Variants in STXBP3 observed in about 807,000 individuals in gnomAD.
STXBP3 encodes syntaxin-binding protein 3.
STXBP3 carries 41 observed loss-of-function variants against 85.7 expected under a neutral mutation model. The ratio of observed to expected loss-of-function variants is 0.48; its 90% CI spans 0.37 to 0.62. The LOEUF is 0.62. Among genes scored for constraint, STXBP3 ranks in the 20% least tolerant of loss-of-function variants. The probability of loss-of-function intolerance (pLI) is 0.00; values close to 1 mark genes in which losing one functional copy is unlikely to be tolerated. For missense variants in STXBP3, 563 were observed against 703.1 expected, an observed-to-expected ratio of 0.80 and a Z score of 2.25; for synonymous variants, 229 against 231.7, an observed-to-expected ratio of 0.99 and a Z score of 0.10.
chr1:108,750,860 C>G (rs1277671553), intron 1 of STXBP3, among the ~76,000 whole-genome samples: 1 of 152,190 alleles, frequency 6.6e-6, no homozygotes, highest in Non-Finnish European at 1.5e-5. Flanking sequence ...CACAGAACTT[C>G]AGAAAACGCT....
intron 7 of STXBP3, 134 bp downstream of exon 7, chr1:108,772,953 A>G: frequency 1.2e-6 from 1 of 812,848 alleles, no homozygotes. Flanking sequence ...CTCTACATAT[A>G]GGAGATTTAA....
At chr1:108,801,002 C>T (rs1314395933) in intron 17 of STXBP3, among the ~76,000 whole-genome samples, 1 of 152,050 alleles carries the variant, frequency 6.6e-6, no homozygotes, top group African/African-American at 2.4e-5. Context: ...TCTCTCCTTC[C>T]TTTCTTTCTG....
intron 1 of STXBP3, among the ~76,000 whole-genome samples, chr1:108,751,976 A>G (rs1661914908): frequency 6.6e-6 from 1 of 152,188 alleles, no homozygotes; most frequent in Admixed American, 6.5e-5. Flanking sequence ...AAACCAAATC[A>G]GGTAATAATT....
At chr1:108,774,640 CTTTTT>C (rs11290690) in intron 7 of STXBP3, among the ~76,000 whole-genome samples, 5 of 92,620 alleles carry the variant, frequency 5.4e-5, no homozygotes, top group African/African-American at 7.9e-5. Flanking sequence ...TCTTTCTTTC[CTTTTT>C]TTTTTTTTTT....
chr1:108,758,066 TCTCA>T (rs1292515173), intron 4 of STXBP3, among the ~76,000 whole-genome samples: 1 of 152,036 alleles, frequency 6.6e-6, no homozygotes, highest in Non-Finnish European at 1.5e-5. Flanking sequence ...AGTTTAAGCT[TCTCA>T]CTCACTGTGT....
chr1:108,803,076 G>T (rs945554379), intron 17 of STXBP3, among the ~76,000 whole-genome samples: 2 of 152,196 alleles, frequency 1.3e-5, no homozygotes, highest in African/African-American at 4.8e-5. Context: ...TGGATAGGGT[G>T]CTTCCCTTGG....
At chr1:108,760,634 A>G (rs549259093) in intron 6 of STXBP3, among the ~76,000 whole-genome samples, 6 of 152,244 alleles carry the variant, frequency 3.9e-5, no homozygotes, top group Non-Finnish European at 7.4e-5. Flanking sequence ...TATTCATTTA[A>G]TCCTCACAAT....
At chr1:108,747,521 A>T (rs1661816706) in intron 1 of STXBP3, among the ~76,000 whole-genome samples, 1 of 152,330 alleles carries the variant, frequency 6.6e-6, no homozygotes, top group Middle Eastern at 3.4e-3. Context: ...TTTCATAAAC[A>T]TCGCTCCAAA....
chr1:108,770,944 T>G lies in STXBP3; in HGVS notation c.439-1721T>G, dbSNP rs374524971. ...CTTTTGGGGAAATATGTCTCTTATT[T>G]TAAGGACATGAAGAGTATAAGCTAA... On this transcript the variant is annotated intron_variant, in intron 6 of 18. Coordinates refer to ENST00000370008, the MANE Select transcript of STXBP3 (RefSeq NM_007269.4). 9.9e-5 allele frequency among the ~76,000 whole-genome samples: 15 copies of G among 152,244 alleles called. No homozygotes were observed. In the East Asian group the frequency reaches 2.5e-3, roughly 25 times the overall value.
Position 108,782,402 on chromosome 1 carries a change from G to T in STXBP3, c.810-20G>T, listed in dbSNP as rs1169882161. 1 of 1,551,492 alleles carries T rather than the reference G, an allele frequency of 6.4e-7. No individual in the cohort carries two copies. The highest frequency in any genetic ancestry group is 2.3e-5 in the East Asian group (1 of 44,296). On this transcript the variant is annotated intron_variant, in intron 9 of 18. Coordinates refer to ENST00000370008, the MANE Select transcript of STXBP3 (RefSeq NM_007269.4). ...GAGGGAAAAAAATCAAAAAGTTTTA[G>T]TGCTTCTGTCTACTTGTAGATATAA...
chr1:108,771,594 C>A (rs796956592), intron 6 of STXBP3, among the ~76,000 whole-genome samples: 8 of 31,324 alleles, frequency 2.6e-4, no homozygotes, highest in East Asian at 4.4e-4. Flanking sequence ...CTATATATAT[C>A]ATATATAAAT....
intron 11 of STXBP3, among the ~76,000 whole-genome samples, chr1:108,785,505 C>A (rs1662806189): frequency 6.6e-6 from 1 of 152,162 alleles, no homozygotes; most frequent in Non-Finnish European, 1.5e-5. Flanking sequence ...TCCTTGGCCT[C>A]TGGACCTGTG....
rs1224696435 is a variant in STXBP3 at position 108,807,455 on chromosome 1, G to A, written c.1590G>A (p.Lys530=). 1.9e-6 allele frequency: 3 copies of A among 1,613,438 alleles called. No homozygotes were observed. In the Admixed American group the frequency reaches 5.0e-5, roughly 27 times the overall value. Residue 530 remains lysine, a synonymous_variant, in exon 18 of 19, where the codon AAG becomes AAA. Transcript: ENST00000370008. ...NYLEDRKNGS[K]LIVFVIGGIT... ...TAGAAGACCGAAAAAATGGGTCAAA[G>A]CTGATTGTTTTTGTAATTGGAGGGA...
At chr1:108,759,695 A>T (rs1379635606) in intron 5 of STXBP3, among the ~76,000 whole-genome samples, 2 of 152,260 alleles carry the variant, frequency 1.3e-5, no homozygotes, top group Non-Finnish European at 2.9e-5. Context: ...ATAAGTTTGG[A>T]CTTGATTTTT....
intron 9 of STXBP3, chr1:108,781,891 T>C (rs1370731242): frequency 2.6e-5 from 4 of 152,182 alleles, no homozygotes; most frequent in Admixed American, 6.6e-5. Context: ...TGTATTTTTT[T>C]TTAGAGACAG....
intron 11 of STXBP3, among the ~76,000 whole-genome samples, chr1:108,786,605 G>T (rs1387275041): frequency 6.6e-6 from 1 of 152,212 alleles, no homozygotes; most frequent in African/African-American, 2.4e-5. Context: ...CCATAAATGT[G>T]TGGGTCTGTG....
chr1:108,792,244 T>C (rs1298315458), intron 11 of STXBP3, among the ~76,000 whole-genome samples: 1 of 152,228 alleles, frequency 6.6e-6, no homozygotes, highest in Non-Finnish European at 1.5e-5. Flanking sequence ...TTGATCCATG[T>C]AGTCCATCTT....
intron 17 of STXBP3, 119 bp downstream of exon 17, chr1:108,800,424 T>G (rs1663208637): frequency 1.1e-5 from 7 of 640,712 alleles, no homozygotes; most frequent in Admixed American, 3.1e-5. Context: ...GTATTTTTTC[T>G]TTAACTGTAA....
intron 6 of STXBP3, among the ~76,000 whole-genome samples, chr1:108,762,482 C>G (rs956822918): frequency 8.7e-5 from 13 of 149,782 alleles, no homozygotes; most frequent in African/African-American, 2.5e-4. Context: ...TTTTTTTTTA[C>G]TGTTATATCT....
Sources: allele counts gnomAD v4.1 joint callset (sites outside exome capture counted in the v4.1 genomes callset), GRCh38; gene constraint gnomAD v4.1.1; transcripts MANE v1.5; gene names NCBI Gene and HGNC (gene_info 2026-07-23, HGNC 2026-07-21).